Variants in DHRSX observed in about 807,000 individuals in gnomAD.
The protein encoded by DHRSX is dehydrogenase/reductase X-linked, also known as polyprenol dehydrogenase.
A neutral mutation model predicts 34.0 loss-of-function variants in DHRSX; 31 were observed. That is an observed-to-expected ratio of 0.91 (90% CI 0.69 to 1.23). The LOEUF (loss-of-function observed/expected upper bound fraction) is 1.23. DHRSX is among the 50% of genes most tolerant of loss of function. DHRSX has a pLI of 0.00. For synonymous variants in DHRSX, 201 were observed against 183.8 expected (o/e 1.09, Z -0.76); for missense variants, 414 against 428.1 (o/e 0.97, Z 0.29).
In DHRSX at chrX:2,372,182, C is replaced by T. The variant is rs998199876; in HGVS notation, c.286+36563G>A. Among the ~76,000 whole-genome samples, 7 of 152,126 alleles carry T rather than the reference C, an allele frequency of 4.6e-5. 1 individual carries two copies. ...GAAGAAAACACACTGTTATGTAATC[C>T]ATTATACAGTCAACGTATCCTTACC... On this transcript the variant is annotated intron_variant, in intron 3 of 6. Transcript: ENST00000334651.
Position 2,408,757 on chromosome X carries a change from A to G in DHRSX, c.274T>C (p.Leu92=). The G allele has an allele frequency of 6.2e-7, 1 of 1,612,824 alleles. No individual in the cohort carries two copies. Residue 92 remains leucine, a synonymous_variant, in exon 3 of 7, where the codon TTG becomes CTG. Coordinates refer to ENST00000334651, the MANE Select transcript of DHRSX (RefSeq NM_145177.3). ...QVVSKIKEET[L]NDKVEFLYCD... ...TATCTCTCGGTACCTTTGTCGTTCA[A>G]GGTTTCTTCTTTTATTTTGCTTACA...
intron 3 of DHRSX, among the ~76,000 whole-genome samples, chrX:2,371,200 CCA>C (rs1033625680): frequency 2.1e-5 from 3 of 145,762 alleles, no homozygotes; most frequent in African/African-American, 5.1e-5. Context: ...TCCTCCGTTA[CCA>C]CAGTCCCTTC....
chrX:2,300,081 C>T (rs1301314748), intron 3 of DHRSX, among the ~76,000 whole-genome samples: 1 of 152,104 alleles, frequency 6.6e-6, no homozygotes, highest in East Asian at 1.9e-4. Context: ...CTGAATTACC[C>T]CTTCTTCTTT....
rs759866804 is a variant in DHRSX, at chrX:2,221,055, C to T, written c.979G>A (p.Asp327Asn). The change falls in exon 7 of 7, where the codon GAT becomes AAT. Residue 327 changes from aspartate to asparagine, a missense_variant. By Grantham distance (23) the Asp-to-Asn change is conservative (BLOSUM62 1). Transcript: ENST00000334651. ...GAGACAGGATATCACAGGGTCACAT[C>T]AAGGACCCCAGTCATCTCACAACTC... ...SKSCEMTGVL[D>N]VTL 1 of 1,613,724 alleles carries T rather than the reference C, an allele frequency of 6.2e-7. No individual in the cohort carries two copies. The highest frequency in any genetic ancestry group is 1.7e-5 in the Admixed American group (1 of 59,964).
At chrX:2,253,476 G>A (rs1441345672) in intron 5 of DHRSX, among the ~76,000 whole-genome samples, 1 of 151,940 alleles carries the variant, frequency 6.6e-6, no homozygotes, top group Non-Finnish European at 1.5e-5. Context: ...ACATGGCAGT[G>A]AGCCAAGATG....
At chrX:2,263,178 C>T (rs1473352406) in intron 5 of DHRSX, among the ~76,000 whole-genome samples, 1 of 152,154 alleles carries the variant, frequency 6.6e-6, no homozygotes, top group African/African-American at 2.4e-5. Context: ...AAGGCGAGTC[C>T]GACTGTGTGC....
intron 3 of DHRSX, among the ~76,000 whole-genome samples, chrX:2,303,877 GTGGA>G (rs1391288726): frequency 3.6e-5 from 2 of 56,196 alleles, no homozygotes; most frequent in South Asian, 6.4e-4. Flanking sequence ...GGGTGGATGG[GTGGA>G]TGGATGGATG....
At chrX:2,257,020 G>C in intron 5 of DHRSX, among the ~76,000 whole-genome samples, 1 of 152,110 alleles carries the variant, frequency 6.6e-6, no homozygotes, top group East Asian at 1.9e-4. Context: ...TGCGATCTTG[G>C]CTCACTGCAA....
Position 2,498,714 on chromosome X carries a change from G to A in DHRSX, c.109+2103C>T, listed in dbSNP as rs769256480. On this transcript the variant is annotated intron_variant, in intron 1 of 6. Transcript: ENST00000334651. ...GCCAGCATTTTGGTGAGCTGCTGCA[G>A]GAACCCCGGCCTCTTCTGCCAGGGC... 2.6e-5 allele frequency among the ~76,000 whole-genome samples: 4 copies of A among 152,114 alleles called. No homozygotes were observed. The South Asian group carries it at 8.3e-4, about 32-fold the overall frequency.
chrX:2,452,717 G>A lies in DHRSX; in HGVS notation c.110-27413C>T, dbSNP rs1472391551. Among the ~76,000 whole-genome samples the A allele has an allele frequency of 2.6e-5, 4 of 152,018 alleles. No homozygotes were observed. In the East Asian group the frequency reaches 7.7e-4, roughly 29 times the overall value. On this transcript the variant is annotated intron_variant, in intron 1 of 6. Coordinates refer to ENST00000334651, the MANE Select transcript of DHRSX (RefSeq NM_145177.3). ...CCACTGCCAAGTACACACTGAATAT[G>A]TTCCCTGAGCATGTGGCCAAGGGAC...
intron 1 of DHRSX, among the ~76,000 whole-genome samples, chrX:2,478,398 CTG>C (rs1229846156): frequency 3.9e-5 from 6 of 152,142 alleles, no homozygotes; most frequent in African/African-American, 1.4e-4. Context: ...GGGACACATT[CTG>C]GCCAATGGAC....
chrX:2,359,989 T>G, intron 3 of DHRSX, among the ~76,000 whole-genome samples: 1 of 152,142 alleles, frequency 6.6e-6, no homozygotes, highest in South Asian at 2.1e-4. Context: ...ACCTGGGTGA[T>G]GAAATAATCA....
chrX:2,273,479 G>A (rs1471048096), intron 4 of DHRSX, among the ~76,000 whole-genome samples: 1 of 152,104 alleles, frequency 6.6e-6, no homozygotes, highest in Admixed American at 6.6e-5. Context: ...ACTTGTAAGT[G>A]GGCACTAAGC....
At chrX:2,429,545 T>C (rs1251990913) in intron 1 of DHRSX, among the ~76,000 whole-genome samples, 1 of 151,924 alleles carries the variant, frequency 6.6e-6, no homozygotes, top group Non-Finnish European at 1.5e-5. Flanking sequence ...CCTCCTGGAC[T>C]CAAATGATCC....
intron 3 of DHRSX, among the ~76,000 whole-genome samples, chrX:2,346,222 G>A (rs936821242): frequency 2.2e-5 from 3 of 137,692 alleles, no homozygotes; most frequent in Non-Finnish European, 3.1e-5. Context: ...ATGGCATCTG[G>A]ACACGCAGCT....
chrX:2,224,175 C>G (rs1447655490), intron 6 of DHRSX, among the ~76,000 whole-genome samples: 1 of 152,214 alleles, frequency 6.6e-6, no homozygotes, highest in Non-Finnish European at 1.5e-5. Flanking sequence ...GCTCATGCCC[C>G]AAATACCCGA....
chrX:2,330,156 AAGGAGGAGGAGGTGAAAG>A (rs1358295026), intron 3 of DHRSX, among the ~76,000 whole-genome samples: 1 of 120,104 alleles, frequency 8.3e-6, no homozygotes, highest in East Asian at 2.7e-4. Flanking sequence ...AGGAGAAAGG[AAGGAGGAGGAGGTGAAAG>A]AGGAGGAGGA....
chrX:2,238,190 C>T lies in DHRSX; in HGVS notation c.804+4833G>A, dbSNP rs191394706. On this transcript the variant is annotated intron_variant, in intron 6 of 6. Coordinates refer to ENST00000334651, the MANE Select transcript of DHRSX (RefSeq NM_145177.3). ...ACAACATAGCAAGACCTCGGCTCTA[C>T]CAAAAAATTTTAAAAAATTAGCCAG... is the stretch of plus-strand genomic sequence containing the variant. 1.2e-3 allele frequency among the ~76,000 whole-genome samples: 190 copies of T among 152,156 alleles called. 1 individual carries two copies. The highest frequency in any genetic ancestry group is 2.5e-3 in the Non-Finnish European group (168 of 68,004).
At chrX:2,229,750 T>G (rs2015824275) in intron 6 of DHRSX, among the ~76,000 whole-genome samples, 1 of 152,124 alleles carries the variant, frequency 6.6e-6, no homozygotes, top group Admixed American at 6.6e-5. Context: ...TAAATATATG[T>G]GCATGCATGT....
Sources: gnomAD v4.1 joint callset for allele counts (sites outside exome capture counted in the v4.1 genomes callset) on GRCh38, gnomAD v4.1.1 for gene constraint, MANE v1.5 for transcripts, NCBI Gene and HGNC (gene_info 2026-07-23, HGNC 2026-07-21) for gene names.